The following TDRD3 variants were observed in gnomAD, a reference collection of about 807,000 sequenced individuals.
The protein encoded by TDRD3 is tudor domain containing 3.
In TDRD3, 45 loss-of-function variants were observed where a neutral mutation model predicts 86.7. That is an observed-to-expected ratio of 0.52 (90% CI 0.41 to 0.67). The LOEUF is 0.67. Ranked by LOEUF, TDRD3 falls within the 30% of genes least tolerant of loss-of-function variation. TDRD3 has a pLI of 0.00. For synonymous variants in TDRD3, 298 were observed against 301.7 expected (o/e 0.99, Z 0.13); for missense variants, 814 against 889.0 (o/e 0.92, Z 1.07).
In TDRD3 at chr13:60,397,272, C is replaced by CTTT. The variant is rs1210097114; in HGVS notation, c.-82_-80dup. The CTTT allele has an allele frequency of 7.8e-5, 36 of 462,084 alleles. No homozygotes were observed. Among genetic ancestry groups the CTTT allele is most frequent in the South Asian group, 1.6e-4 (4 of 24,412 alleles). 28.6% of individuals were successfully genotyped at this position (462,084 alleles called of 1,614,324 possible). On this transcript the variant is annotated 5_prime_UTR_variant, in exon 1 of 14. Coordinates refer to ENST00000377881, the MANE Select transcript of TDRD3 (RefSeq NM_001146070.2). ...CCAGAGGAGTTTTTTCTTTTCTTTT[C>CTTT]TTTTTTTTTTTTTAAGGGGGGGGGT...
intron 4 of TDRD3, among the ~76,000 whole-genome samples, chr13:60,466,111 A>T (rs964885915): frequency 4.6e-5 from 7 of 152,298 alleles, no homozygotes; most frequent in African/African-American, 1.7e-4. Context: ...AAAAATTAGC[A>T]TATAAAAATC....
chr13:60,466,746 C>T (rs1366954032), intron 4 of TDRD3, among the ~76,000 whole-genome samples: 1 of 151,866 alleles, frequency 6.6e-6, no homozygotes, highest in Non-Finnish European at 1.5e-5. Flanking sequence ...CAAAATTGTG[C>T]CACTGCCCAC....
intron 1 of TDRD3, among the ~76,000 whole-genome samples, chr13:60,439,454 C>A (rs531976118): frequency 6.6e-6 from 1 of 152,014 alleles, no homozygotes; most frequent in African/African-American, 2.4e-5. Flanking sequence ...TCTCAGAAAG[C>A]GTATGAATAA....
intron 1 of TDRD3, among the ~76,000 whole-genome samples, chr13:60,422,995 C>T (rs1954701480): frequency 6.6e-6 from 1 of 152,110 alleles, no homozygotes; most frequent in East Asian, 1.9e-4. Context: ...AACTCCAAGA[C>T]ATATCCCAGT....
intron 8 of TDRD3, among the ~76,000 whole-genome samples, chr13:60,502,705 T>C (rs1218651616): frequency 6.6e-6 from 1 of 152,094 alleles, no homozygotes; most frequent in African/African-American, 2.4e-5. Flanking sequence ...GAAAGTGACA[T>C]TCTTTACTGA....
At position 60,460,633 on chromosome 13, in the gene TDRD3, C is replaced by T. The variant is rs1955782313; in HGVS notation, c.353+93C>T. On this transcript the variant is annotated intron_variant, in intron 4 of 13. Transcript: ENST00000377881. Reference sequence around the variant, plus strand: ...AAGAATTTTGAAAAGTAGGAATGGACCCTTAATTGTGTGTTACAGTTTTTC... The same window carrying T: ...AAGAATTTTGAAAAGTAGGAATGGATCCTTAATTGTGTGTTACAGTTTTTC... 6 of 1,122,538 alleles carry T rather than the reference C, an allele frequency of 5.3e-6. No individual in the cohort carries two copies. In the East Asian group the frequency reaches 1.7e-4, roughly 32 times the overall value. The allele number at this position is 1,122,538 out of a possible 1,614,324, so 69.5% of individuals were successfully genotyped here.
At chr13:60,543,144 G>A (rs1449696831) in intron 12 of TDRD3, among the ~76,000 whole-genome samples, 1 of 152,158 alleles carries the variant, frequency 6.6e-6, no homozygotes, top group Non-Finnish European at 1.5e-5. Context: ...TACTACAACA[G>A]TGAGTACATT....
chr13:60,569,728 G>C lies in TDRD3; in HGVS notation c.*9+2078G>C, dbSNP rs372961829. Among the ~76,000 whole-genome samples the C allele has an allele frequency of 5.3e-5, 8 of 152,114 alleles. No homozygotes were observed. In the East Asian group the frequency reaches 7.7e-4, roughly 15 times the overall value. ...CATAGTACTGACATAAAAACAAACA[G>C]ACCAATGGAACAGAATGGAGAACCC... is the stretch of plus-strand genomic sequence containing the variant. On this transcript the variant is annotated intron_variant, in intron 13 of 13. Transcript: ENST00000377881.
chr13:60,501,687 C>T (rs1956836285), intron 8 of TDRD3, among the ~76,000 whole-genome samples: 1 of 152,140 alleles, frequency 6.6e-6, no homozygotes, highest in Admixed American at 6.5e-5. Context: ...CCAAACCATC[C>T]ACAAAATGCT....
intron 10 of TDRD3, among the ~76,000 whole-genome samples, chr13:60,511,878 T>A (rs1185381334): frequency 1.3e-5 from 2 of 151,944 alleles, no homozygotes; most frequent in African/African-American, 2.4e-5. Context: ...AGCAGGAGAG[T>A]CTCTGCTGCT....
chr13:60,537,953 T>G (rs1187359596), intron 12 of TDRD3: 3 of 151,914 alleles, frequency 2.0e-5, no homozygotes, highest in Non-Finnish European at 4.4e-5. Flanking sequence ...TTGTAGAAAA[T>G]TAGTTGCTTG....
chr13:60,545,879 C>T (rs1441050626), intron 12 of TDRD3, among the ~76,000 whole-genome samples: 2 of 151,838 alleles, frequency 1.3e-5, no homozygotes, highest in Admixed American at 6.6e-5. Flanking sequence ...CCTTTTTGTT[C>T]TTCCTCTGTT....
At chr13:60,510,776 T>C in intron 10 of TDRD3, 21 bp downstream of exon 10, 1 of 1,513,546 alleles carries the variant, frequency 6.6e-7, no homozygotes, top group Non-Finnish European at 8.8e-7. Context: ...TTAAAGTTGA[T>C]TCCTTTTTTT....
chr13:60,526,786 T>G (rs1288898362), intron 10 of TDRD3, among the ~76,000 whole-genome samples: 1 of 152,116 alleles, frequency 6.6e-6, no homozygotes, highest in Non-Finnish European at 1.5e-5. Flanking sequence ...GCCTTTTGGC[T>G]TCTAGCTTCC....
At chr13:60,426,613 C>A (rs1566182338) in intron 1 of TDRD3, among the ~76,000 whole-genome samples, 1 of 152,074 alleles carries the variant, frequency 6.6e-6, no homozygotes, top group African/African-American at 2.4e-5. Context: ...GGGTAGTTTT[C>A]TAGGAAAGTA....
At chr13:60,446,465 C>T (rs1413313480) in intron 3 of TDRD3, among the ~76,000 whole-genome samples, 1 of 151,968 alleles carries the variant, frequency 6.6e-6, no homozygotes, top group Non-Finnish European at 1.5e-5. Context: ...GACCTCAAGT[C>T]ATCTGCCCAC....
intron 1 of TDRD3, among the ~76,000 whole-genome samples, chr13:60,432,519 A>T (rs537072236): frequency 5.6e-4 from 85 of 152,272 alleles, no homozygotes; most frequent in Admixed American, 5.9e-4. Context: ...CTGACTAGGT[A>T]TAGTATAGTA....
chr13:60,537,395 G>A (rs374471751), intron 12 of TDRD3: 1 of 151,938 alleles, frequency 6.6e-6, no homozygotes. Flanking sequence ...AAATATTTGT[G>A]TGCATATAGA....
chr13:60,535,446 T>C (rs1314546691), intron 12 of TDRD3: 3 of 404,060 alleles, frequency 7.4e-6, no homozygotes, highest in Non-Finnish European at 1.2e-5. Flanking sequence ...TTGTATAATG[T>C]TTTGTTGTAT....
Sources: gnomAD v4.1 joint callset for allele counts (sites outside exome capture counted in the v4.1 genomes callset) on GRCh38, gnomAD v4.1.1 for gene constraint, MANE v1.5 for transcripts, NCBI Gene and HGNC (gene_info 2026-07-23, HGNC 2026-07-21) for gene names.